The following ZFYVE26 variants were observed in gnomAD, a reference collection of about 807,000 sequenced individuals.
ZFYVE26 encodes the protein zinc finger FYVE domain-containing protein 26.
ZFYVE26 carries 181 observed loss-of-function variants against 276.5 expected under a neutral mutation model. That is an observed-to-expected ratio of 0.65 (90% confidence interval 0.58 to 0.74). The LOEUF is 0.74. Among genes scored for constraint, ZFYVE26 ranks in the 30% least tolerant of loss-of-function variants. The pLI is 0.00. For missense variants in ZFYVE26, 2,821 were observed against 3,097.9 expected (o/e 0.91, Z 2.12); for synonymous variants, 1,129 against 1,203.1 (o/e 0.94, Z 1.27).
At chr14:67,742,838 C>CTTATT (rs769663149), downstream of ZFYVE26, among the ~76,000 whole-genome samples, 2 of 89,756 alleles carry the variant, frequency 2.2e-5, no homozygotes, top group Non-Finnish European at 2.0e-5. Context: ...TCTTCTTCTT[C>CTTATT]TTTTTTTTTT....
At position 67,815,775 on chromosome 14, in the gene ZFYVE26, C is replaced by A. The variant is rs756751483; in HGVS notation, c.189G>T (p.Leu63=). Reference sequence around the variant, plus strand: ...TAGGAAAAGAGATCCCTTACCTCAGCAGATTTGGACACACCACCAATGCCT... The same window carrying A: ...TAGGAAAAGAGATCCCTTACCTCAGAAGATTTGGACACACCACCAATGCCT... ...ILQALVVCPN[L]LRCGQDINPQ... is the part of the protein sequence containing the mutation. Residue 63 remains leucine, a synonymous_variant, in exon 2 of 42, where the codon CTG becomes CTT. Transcript: ENST00000347230. 3.1e-6 allele frequency: 5 copies of A among 1,613,066 alleles called. No homozygotes were observed. In the South Asian group the frequency reaches 5.5e-5, roughly 18 times the overall value.
At position 67,810,794 on chromosome 14, in the gene ZFYVE26, A is replaced by C. The variant is rs371688946; in HGVS notation, c.274-1505T>G. ...CTACCTTAAATATGAGACATCTGTC[A>C]ATCTTGCCTCTGGTTAAAGCTTCCC... On this transcript the variant is annotated intron_variant, in intron 3 of 41. Coordinates refer to ENST00000347230, the MANE Select transcript of ZFYVE26 (RefSeq NM_015346.4). 6.3e-4 allele frequency among the ~76,000 whole-genome samples: 96 copies of C among 152,310 alleles called. 5 individuals carry two copies. The East Asian group carries it at 0.018, about 29-fold the overall frequency.
chr14:67,790,490 G>C, intron 15 of ZFYVE26, 82 bp downstream of exon 15: 3 of 1,447,140 alleles, frequency 2.1e-6, no homozygotes, highest in Non-Finnish European at 2.9e-6. Context: ...CTCATGAGGA[G>C]CCTAGGATTT....
chr14:67,731,835 T>C (rs995866052), intron 13 of ZFYVE26, among the ~76,000 whole-genome samples: 1 of 151,876 alleles, frequency 6.6e-6, no homozygotes, highest in Non-Finnish European at 1.5e-5. Context: ...TTTTTATTAT[T>C]TAAAAATTTT....
At chr14:67,788,048 T>C (rs2039701260) in intron 16 of ZFYVE26, among the ~76,000 whole-genome samples, 1 of 151,982 alleles carries the variant, frequency 6.6e-6, no homozygotes, top group Non-Finnish European at 1.5e-5. Flanking sequence ...ATCTGGAATT[T>C]GCTACATGTT....
intron 14 of ZFYVE26, among the ~76,000 whole-genome samples, chr14:67,791,100 A>G (rs2039802367): frequency 6.6e-6 from 1 of 152,254 alleles, no homozygotes; most frequent in Non-Finnish European, 1.5e-5. Flanking sequence ...TTTTGCATCT[A>G]TCACAATAAC....
chr14:67,784,064 C>G (rs925573715), intron 20 of ZFYVE26, among the ~76,000 whole-genome samples: 1 of 152,202 alleles, frequency 6.6e-6, no homozygotes, highest in East Asian at 1.9e-4. Flanking sequence ...AATCAACTAT[C>G]ATGTTATTGA....
intron 24 of ZFYVE26, 114 bp from the exon 25 acceptor site, chr14:67,777,849 T>C (rs1594907179): frequency 2.9e-6 from 4 of 1,368,178 alleles, no homozygotes; most frequent in East Asian, 2.3e-5. Flanking sequence ...TAACCCTTTC[T>C]CTATACTCCT....
intron 28 of ZFYVE26, among the ~76,000 whole-genome samples, chr14:67,771,661 G>C (rs189754316): frequency 6.6e-6 from 1 of 152,182 alleles, no homozygotes; most frequent in Non-Finnish European, 1.5e-5. Flanking sequence ...GTCATTAAGA[G>C]GCAGAGCCAG....
At chr14:67,767,876 G>A (rs768286905) in intron 30 of ZFYVE26, 36 bp from the exon 31 acceptor site, 1 of 1,613,924 alleles carries the variant, frequency 6.2e-7, no homozygotes, top group Non-Finnish European at 8.5e-7. Context: ...GTCATTCACT[G>A]GCTGGCAGTT....
intron 37 of ZFYVE26, 21 bp downstream of exon 37, chr14:67,755,030 G>A (rs1389633065): frequency 1.9e-6 from 3 of 1,612,898 alleles, no homozygotes; most frequent in Middle Eastern, 1.9e-4. Flanking sequence ...CACACCAATA[G>A]TCCCCTGAAC....
chr14:67,769,243 T>C (rs755961955), intron 29 of ZFYVE26, among the ~76,000 whole-genome samples: 2 of 152,188 alleles, frequency 1.3e-5, no homozygotes, highest in Admixed American at 6.5e-5. Context: ...ACATGTCCAT[T>C]TGAGTCCAGC....
chr14:67,730,753 G>A (rs1190830695), intron 13 of ZFYVE26, among the ~76,000 whole-genome samples: 3 of 152,004 alleles, frequency 2.0e-5, no homozygotes, highest in South Asian at 2.1e-4. Context: ...ACAGGTGCCC[G>A]CCACCACACC....
rs1210686880 is a variant in ZFYVE26, at chr14:67,789,564, G to T, written c.2790C>A (p.Asp930Glu). 1 of 1,614,172 alleles carries T rather than the reference G, an allele frequency of 6.2e-7. No individual in the cohort carries two copies. The highest frequency in any genetic ancestry group is 1.1e-5 in the South Asian group (1 of 91,086). The change falls in exon 16 of 42, where the codon GAC (aspartate) becomes GAA (glutamate). Residue 930 changes from aspartate (D) to glutamate (E), a missense_variant. By Grantham distance (45) the Asp-to-Glu change is conservative (BLOSUM62 2). Coordinates refer to ENST00000347230, the MANE Select transcript of ZFYVE26 (RefSeq NM_015346.4). The part of the protein sequence containing the change: ...MVFYSISDVT[D>E]KLLNTSGDPI... Reference sequence around the variant, plus strand: ...GGTCTCCAGAGGTGTTGAGCAGCTTGTCAGTCACGTCAGAGATAGAGTAAA... The same window carrying T: ...GGTCTCCAGAGGTGTTGAGCAGCTTTTCAGTCACGTCAGAGATAGAGTAAA...
intron 23 of ZFYVE26, 27 bp from the exon 24 acceptor site, chr14:67,778,275 C>T: frequency 6.8e-6 from 11 of 1,614,008 alleles, no homozygotes; most frequent in Non-Finnish European, 8.5e-6. Context: ...ATGCCTTCAA[C>T]CCCTTTACAT....
At chr14:67,814,500 CAG>C (rs2040362431) in intron 2 of ZFYVE26, among the ~76,000 whole-genome samples, 1 of 151,326 alleles carries the variant, frequency 6.6e-6, no homozygotes, top group Admixed American at 6.6e-5. Context: ...GCCTGGGTGA[CAG>C]AGCAAGACTC....
chr14:67,814,136 A>G, intron 2 of ZFYVE26, 72 bp from the exon 3 acceptor site: 4 of 1,208,536 alleles, frequency 3.3e-6, no homozygotes, highest in Non-Finnish European at 4.9e-6. Flanking sequence ...CATCCAAGAC[A>G]GATTTCATTG....
intron 25 of ZFYVE26, among the ~76,000 whole-genome samples, chr14:67,776,416 C>T (rs949361759): frequency 4.6e-5 from 7 of 152,196 alleles, no homozygotes; most frequent in African/African-American, 1.7e-4. Context: ...TGCACATGTA[C>T]CTTGAAAGCA....
Position 67,747,536 on chromosome 14 carries a change from C to T in ZFYVE26, c.*900G>A. Reference sequence around the variant, plus strand: ...AGTCATTCAGTCCTAGGATCCTGGCCACCTTTTCTCTCCCCAGACTCTCAA... The same window carrying T: ...AGTCATTCAGTCCTAGGATCCTGGCTACCTTTTCTCTCCCCAGACTCTCAA... On this transcript the variant is annotated 3_prime_UTR_variant, in exon 42 of 42. Transcript: ENST00000347230. The T allele has an allele frequency of 6.6e-6, 1 of 152,402 alleles. No individual in the cohort carries two copies. The highest frequency in any genetic ancestry group is 1.9e-4 in the East Asian group (1 of 5,180). The allele number at this position is 152,402 out of a possible 1,614,324, so 9.4% of individuals were successfully genotyped here.
Sources: gnomAD v4.1 joint callset for allele counts (sites outside exome capture counted in the v4.1 genomes callset) on GRCh38, gnomAD v4.1.1 for gene constraint, MANE v1.5 for transcripts, NCBI Gene and HGNC (gene_info 2026-07-23, HGNC 2026-07-21) for gene names.